Variants in DYM observed in about 807,000 individuals in gnomAD.
The protein encoded by DYM is dyggve-Melchior-Clausen syndrome protein.
A neutral mutation model predicts 93.1 loss-of-function variants in DYM; 78 were observed. The ratio of observed to expected loss-of-function variants is 0.84; its 90% CI spans 0.70 to 1.01. DYM has a LOEUF of 1.01. Among genes scored for constraint, DYM ranks in the 50% least tolerant of loss-of-function variants. DYM has a pLI of 0.00. For synonymous variants in DYM, 321 were observed against 319.7 expected (o/e 1.00, Z -0.04); for missense variants, 789 against 845.0 (o/e 0.93, Z 0.82).
chr18:49,191,434 A>G (rs1464569454), intron 14 of DYM, among the ~76,000 whole-genome samples: 1 of 150,684 alleles, frequency 6.6e-6, no homozygotes, highest in Non-Finnish European at 1.5e-5. Context: ...CTTTGAGAAG[A>G]AAAAAAAATC....
intron 1 of DYM, among the ~76,000 whole-genome samples, chr18:49,441,175 TTATATATTTATATATAA>T (rs2081485046): frequency 6.9e-5 from 2 of 29,174 alleles, no homozygotes; most frequent in Non-Finnish European, 1.2e-4. Flanking sequence ...TATTATATAA[TTATATATTTATATATAA>T]TATATTATAT....
chr18:49,454,907 CAAAAAAAA>C (rs35671085), intron 1 of DYM, among the ~76,000 whole-genome samples: 67 of 73,232 alleles, frequency 9.1e-4, no homozygotes, highest in Non-Finnish European at 1.1e-3. Flanking sequence ...GACTCTGTCT[CAAAAAAAA>C]AAAAAAAAAA....
At chr18:49,211,253 G>A (rs2092769877) in intron 13 of DYM, among the ~76,000 whole-genome samples, 1 of 152,092 alleles carries the variant, frequency 6.6e-6, no homozygotes, top group South Asian at 2.1e-4. Context: ...AGATTTTAAA[G>A]TGATATTACA....
intron 16 of DYM, among the ~76,000 whole-genome samples, chr18:49,108,522 C>T (rs1055251822): frequency 6.6e-6 from 1 of 152,242 alleles, no homozygotes; most frequent in Admixed American, 6.5e-5. Context: ...TAGACTGGAG[C>T]TGTTCCTATT....
intron 12 of DYM, 106 bp from the exon 13 acceptor site, chr18:49,257,210 T>C (rs2094407685): frequency 1.1e-6 from 1 of 883,312 alleles, no homozygotes; most frequent in South Asian, 1.4e-5. Context: ...TCACTGATTT[T>C]AGAAAGTTCA....
At chr18:49,205,543 C>T (rs559171311) in intron 14 of DYM, among the ~76,000 whole-genome samples, 1 of 152,034 alleles carries the variant, frequency 6.6e-6, no homozygotes, top group Non-Finnish European at 1.5e-5. Flanking sequence ...AATATTATAT[C>T]AAATTCTGGA....
rs545035608 is a variant in DYM, at chr18:49,402,857, T to C, written c.141-11212A>G. Among the ~76,000 whole-genome samples, 9 of 152,340 alleles carry C rather than the reference T, an allele frequency of 5.9e-5. No individual in the cohort carries two copies. The East Asian group carries it at 1.5e-3, about 26-fold the overall frequency. ...AAAAGCAGATATGCCCCTGGTATAATGGAAAGCGATCGATTTTTGAAGCTG... is the reference window on the plus strand; with the variant it reads ...AAAAGCAGATATGCCCCTGGTATAACGGAAAGCGATCGATTTTTGAAGCTG... On this transcript the variant is annotated intron_variant, in intron 2 of 17. Coordinates refer to ENST00000675505, the MANE Select transcript of DYM (RefSeq NM_001353214.3).
chr18:49,412,326 C>T (rs1205715585), intron 2 of DYM, among the ~76,000 whole-genome samples: 1 of 151,484 alleles, frequency 6.6e-6, no homozygotes, highest in Non-Finnish European at 1.5e-5. Context: ...TGTCCCTTTA[C>T]TTTAATGCTT....
At chr18:49,086,445 T>A (rs2078534581) in intron 17 of DYM, among the ~76,000 whole-genome samples, 2 of 152,280 alleles carry the variant, frequency 1.3e-5, no homozygotes, top group South Asian at 4.1e-4. Flanking sequence ...GCCCTCATGA[T>A]CCAATCACAC....
intron 8 of DYM, among the ~76,000 whole-genome samples, chr18:49,290,973 A>G (rs2060073418): frequency 6.6e-6 from 1 of 152,216 alleles, no homozygotes; most frequent in Non-Finnish European, 1.5e-5. Flanking sequence ...CTTTGGAACT[A>G]GGACAAAGCC....
chr18:49,188,143 C>G (rs769577800), intron 14 of DYM, among the ~76,000 whole-genome samples: 9 of 152,166 alleles, frequency 5.9e-5, no homozygotes, highest in Non-Finnish European at 8.8e-5. Context: ...TCATTTTAAG[C>G]GTTCATTTGG....
At chr18:49,218,606 C>CA in intron 13 of DYM, among the ~76,000 whole-genome samples, 1 of 152,114 alleles carries the variant, frequency 6.6e-6, no homozygotes, top group East Asian at 1.9e-4. Flanking sequence ...GAAACTCACT[C>CA]AAAACCACTC....
intron 13 of DYM, among the ~76,000 whole-genome samples, chr18:49,224,617 G>C (rs1340310253): frequency 6.6e-6 from 1 of 152,020 alleles, no homozygotes; most frequent in African/African-American, 2.4e-5. Context: ...GAGTCCGAGA[G>C]AGCTTGCTTC....
At chr18:49,211,201 C>T (rs1354664838) in intron 13 of DYM, among the ~76,000 whole-genome samples, 2 of 152,114 alleles carry the variant, frequency 1.3e-5, no homozygotes, top group African/African-American at 2.4e-5. Context: ...AAGCCTCAAA[C>T]CCATAAGCGA....
intron 5 of DYM, among the ~76,000 whole-genome samples, chr18:49,369,784 T>C (rs1392813233): frequency 1.3e-5 from 2 of 152,194 alleles, no homozygotes; most frequent in African/African-American, 4.8e-5. Flanking sequence ...GCCATGGAAG[T>C]GCCATTAAAG....
intron 5 of DYM, among the ~76,000 whole-genome samples, chr18:49,370,181 G>A (rs547361711): frequency 6.6e-6 from 1 of 151,856 alleles, no homozygotes; most frequent in Non-Finnish European, 1.5e-5. Flanking sequence ...GGGAGGCTGA[G>A]GCAGGAGAAT....
intron 2 of DYM, among the ~76,000 whole-genome samples, chr18:49,398,856 G>A (rs1172046262): frequency 6.6e-6 from 1 of 152,100 alleles, no homozygotes; most frequent in Non-Finnish European, 1.5e-5. Flanking sequence ...TCGGTTTATT[G>A]GTTACTCAGA....
At chr18:49,355,426 G>T (rs1285177621) in intron 6 of DYM, among the ~76,000 whole-genome samples, 2 of 151,928 alleles carry the variant, frequency 1.3e-5, no homozygotes, top group African/African-American at 4.8e-5. Context: ...ACAATTGACA[G>T]ATACAATTGA....
chr18:49,096,588 G>A (rs888532431), intron 17 of DYM, among the ~76,000 whole-genome samples: 2 of 152,176 alleles, frequency 1.3e-5, no homozygotes, highest in African/African-American at 4.8e-5. Context: ...AAAAAGAACA[G>A]TAAAGTAAAA....
Sources: allele counts gnomAD v4.1 joint callset (sites outside exome capture counted in the v4.1 genomes callset), GRCh38; gene constraint gnomAD v4.1.1; transcripts MANE v1.5; gene names NCBI Gene and HGNC (gene_info 2026-07-23, HGNC 2026-07-21).